The following SNX25 variants were observed in gnomAD, a reference collection of about 807,000 sequenced individuals.
SNX25 encodes the protein sorting nexin-25.
SNX25 carries 62 observed loss-of-function variants against 113.7 expected under a neutral mutation model. That is an observed-to-expected ratio of 0.55 (90% CI 0.44 to 0.67). SNX25 has a LOEUF of 0.67. SNX25 is among the 30% of genes least tolerant of loss of function. SNX25 has a pLI of 0.00. For missense variants in SNX25, 1,014 were observed against 1,161.0 expected, an observed-to-expected ratio of 0.87 and a Z score of 1.84; for synonymous variants, 421 against 436.2, an observed-to-expected ratio of 0.97 and a Z score of 0.43.
At chr4:185,234,206 C>G (rs1742278684) in intron 1 of SNX25, among the ~76,000 whole-genome samples, 1 of 152,088 alleles carries the variant, frequency 6.6e-6, no homozygotes, top group African/African-American at 2.4e-5. Flanking sequence ...CTATTGATCA[C>G]TTAATGAAGA....
intron 1 of SNX25, among the ~76,000 whole-genome samples, chr4:185,240,388 G>A (rs1743588141): frequency 6.6e-6 from 1 of 150,550 alleles, no homozygotes; most frequent in Non-Finnish European, 1.5e-5. Flanking sequence ...GGCTGGCCGG[G>A]CGGGGGGCTG....
downstream of SNX25, among the ~76,000 whole-genome samples, chr4:185,371,478 CT>C (rs1160290433): frequency 2.8e-5 from 4 of 145,174 alleles, no homozygotes; most frequent in East Asian, 8.4e-4. Flanking sequence ...GAAGGCAGAG[CT>C]TGCAGTGAGC....
At chr4:185,292,402 T>G (rs1351490118) in intron 6 of SNX25, among the ~76,000 whole-genome samples, 1 of 152,084 alleles carries the variant, frequency 6.6e-6, no homozygotes, top group East Asian at 1.9e-4. Context: ...ATTTGTTTGT[T>G]TGTTTGTTTG....
chr4:185,235,145 A>G (rs1445627928), intron 1 of SNX25, among the ~76,000 whole-genome samples: 3 of 152,246 alleles, frequency 2.0e-5, no homozygotes, highest in Admixed American at 1.3e-4. Context: ...TAGCAACAGA[A>G]CCAGAATCAT....
intron 5 of SNX25, among the ~76,000 whole-genome samples, chr4:185,279,064 ATAAGAT>A (rs2126584985): frequency 6.6e-6 from 1 of 151,982 alleles, no homozygotes; most frequent in Non-Finnish European, 1.5e-5. Context: ...AAAAATATAG[ATAAGAT>A]TAAGAAATGT....
At chr4:185,212,586 C>G (rs1383381414) in intron 1 of SNX25, among the ~76,000 whole-genome samples, 2 of 149,722 alleles carry the variant, frequency 1.3e-5, no homozygotes, top group East Asian at 2.0e-4. Flanking sequence ...CTCAAGTGAT[C>G]CTCCTGCCTC....
In SNX25 at chr4:185,224,364, T is replaced by G. The variant is rs1315049211; in HGVS notation, c.429+14109T>G. Among the ~76,000 whole-genome samples the G allele has an allele frequency of 3.4e-5, 5 of 145,118 alleles. No homozygotes were observed. In the Admixed American group the frequency reaches 3.5e-4, roughly 10 times the overall value. ...AAAACTCCATCTCAAAATATATATA[T>G]ATAAAAATATATAGATATAAATATA... On this transcript the variant is annotated intron_variant, in intron 1 of 18. Coordinates refer to ENST00000652585, the MANE Select transcript of SNX25 (RefSeq NM_001378034.2).
At chr4:185,371,516 T>TCG (rs1561076240), downstream of SNX25, among the ~76,000 whole-genome samples, 1 of 130,456 alleles carries the variant, frequency 7.7e-6, no homozygotes, top group Non-Finnish European at 1.5e-5. Flanking sequence ...CACTCCAGCC[T>TCG]GGGCAACAGA....
At chr4:185,321,008 T>A (rs1376862704) in intron 8 of SNX25, 144 bp downstream of exon 8, 1 of 611,494 alleles carries the variant, frequency 1.6e-6, no homozygotes, top group Non-Finnish European at 2.5e-6. Flanking sequence ...TTCTAGCCCA[T>A]AATGGCAAAT....
In SNX25 at chr4:185,215,897, C is replaced by T. The variant is rs548222819; in HGVS notation, c.429+5642C>T. On this transcript the variant is annotated intron_variant, in intron 1 of 18. Transcript: ENST00000652585. ...CTTCTCCTCCTGGGCTCAAGCCATC[C>T]TCCCACCTCCCACCTCACCCTCCCG... 2.0e-5 allele frequency among the ~76,000 whole-genome samples: 3 copies of T among 151,846 alleles called. No individual in the cohort carries two copies. In the East Asian group the frequency reaches 5.8e-4, roughly 29 times the overall value.
intron 3 of SNX25, 81 bp from the exon 4 acceptor site, chr4:185,264,357 T>C (rs913552293): frequency 9.1e-6 from 12 of 1,314,382 alleles, no homozygotes; most frequent in Non-Finnish European, 1.3e-5. Context: ...TGTTTCTCAT[T>C]TGAAATATTT....
chr4:185,373,189 C>G (rs573279272), downstream of SNX25: 5 of 1,020,362 alleles, frequency 4.9e-6, no homozygotes, highest in South Asian at 1.6e-5. Context: ...TATTAATCAT[C>G]TCTAGGAAAG....
chr4:185,329,645 G>C (rs1373225621), intron 9 of SNX25, among the ~76,000 whole-genome samples: 3 of 152,062 alleles, frequency 2.0e-5, no homozygotes, highest in Non-Finnish European at 2.9e-5. Flanking sequence ...TCAGCAAAGG[G>C]CCTCTTGGAT....
At chr4:185,362,154 T>G in intron 17 of SNX25, 49 bp downstream of exon 17, 1 of 1,536,244 alleles carries the variant, frequency 6.5e-7, no homozygotes, top group Non-Finnish European at 8.8e-7. Context: ...TGAGGGAATG[T>G]GAACCCCACT....
chr4:185,264,748 C>A, intron 4 of SNX25, 138 bp downstream of exon 4: 1 of 905,456 alleles, frequency 1.1e-6, no homozygotes, highest in Non-Finnish European at 1.6e-6. Context: ...AACTATTTGG[C>A]CATTCAGGAT....
At chr4:185,372,778 A>G, downstream of SNX25, 1 of 1,273,288 alleles carries the variant, frequency 7.9e-7, no homozygotes, top group Non-Finnish European at 1.1e-6. Context: ...AACTGTGAGA[A>G]ATAAATTTCT....
chr4:185,324,109 G>A (rs1410691183), intron 9 of SNX25, among the ~76,000 whole-genome samples: 3 of 152,090 alleles, frequency 2.0e-5, no homozygotes, highest in Non-Finnish European at 2.9e-5. Context: ...TACACCTCTG[G>A]TCTGACTCCT....
chr4:185,245,291 G>A (rs1170933729), intron 1 of SNX25, among the ~76,000 whole-genome samples: 4 of 151,620 alleles, frequency 2.6e-5, no homozygotes, highest in African/African-American at 9.7e-5. Context: ...TAGCAAGATA[G>A]TGGGGTTTTC....
chr4:185,233,430 G>A (rs1457502572), intron 1 of SNX25, among the ~76,000 whole-genome samples: 1 of 152,192 alleles, frequency 6.6e-6, no homozygotes, highest in Non-Finnish European at 1.5e-5. Context: ...ATGGAAACAT[G>A]ATTCATATCA....
Sources: allele counts gnomAD v4.1 joint callset (sites outside exome capture counted in the v4.1 genomes callset), GRCh38; gene constraint gnomAD v4.1.1; transcripts MANE v1.5; gene names NCBI Gene and HGNC (gene_info 2026-07-23, HGNC 2026-07-21).